The following ESRRG variants were observed in gnomAD, a reference collection of about 807,000 sequenced individuals.
ESRRG encodes the protein estrogen related receptor gamma.
Under a neutral mutation model 44.0 loss-of-function variants are expected in ESRRG, and 13 were observed. That is an observed-to-expected ratio of 0.30 (90% confidence interval 0.19 to 0.47). The LOEUF is 0.47. Ranked by LOEUF, ESRRG falls within the 20% of genes least tolerant of loss-of-function variation. The pLI, the probability that ESRRG is intolerant of heterozygous loss-of-function variation, is 1.00. For missense variants in ESRRG, 395 were observed against 580.6 expected, an observed-to-expected ratio of 0.68 and a Z score of 3.29; for synonymous variants, 215 against 214.6, an observed-to-expected ratio of 1.00 and a Z score of -0.02.
intron 2 of ESRRG, among the ~76,000 whole-genome samples, chr1:216,896,931 T>A (rs540488077): frequency 3.3e-5 from 5 of 152,330 alleles, no homozygotes; most frequent in Middle Eastern, 3.4e-3. Context: ...GCAGTGAACA[T>A]TACACAGGTT....
At chr1:216,583,098 C>T (rs11572745) in intron 3 of ESRRG, among the ~76,000 whole-genome samples, 22,569 of 152,010 alleles carry the variant, frequency 0.15, 2,171 homozygotes, top group Non-Finnish European at 0.21. Context: ...TTTCTATCAA[C>T]TTTCAAGACT....
At chr1:216,904,685 C>T (rs960758458) in intron 2 of ESRRG, among the ~76,000 whole-genome samples, 1 of 152,168 alleles carries the variant, frequency 6.6e-6, no homozygotes, top group South Asian at 2.1e-4. Context: ...TTTCCACCAA[C>T]AACTCCCCGG....
chr1:216,813,547 G>A (rs1263934969), intron 2 of ESRRG, among the ~76,000 whole-genome samples: 2 of 152,136 alleles, frequency 1.3e-5, no homozygotes, highest in African/African-American at 4.8e-5. Flanking sequence ...AGGGTGGCAA[G>A]AACATATATT....
chr1:216,583,406 CA>C (rs1197048130), intron 3 of ESRRG, among the ~76,000 whole-genome samples: 2 of 152,286 alleles, frequency 1.3e-5, no homozygotes, highest in South Asian at 2.1e-4. Context: ...GTATGTATTT[CA>C]AAAACTCACT....
At chr1:216,602,661 A>T (rs1257405754) in intron 3 of ESRRG, among the ~76,000 whole-genome samples, 2 of 152,188 alleles carry the variant, frequency 1.3e-5, no homozygotes, top group Admixed American at 1.3e-4. Flanking sequence ...TTATTCTAAA[A>T]TTTCACAAGA....
At chr1:216,934,702 G>A (rs1447303559) in intron 2 of ESRRG, among the ~76,000 whole-genome samples, 1 of 152,056 alleles carries the variant, frequency 6.6e-6, no homozygotes, top group Non-Finnish European at 1.5e-5. Context: ...TCTCCCACAT[G>A]GTCCCTCCCA....
chr1:216,831,953 C>T (rs1004482643), intron 2 of ESRRG, among the ~76,000 whole-genome samples: 2 of 152,130 alleles, frequency 1.3e-5, no homozygotes, highest in Non-Finnish European at 2.9e-5. Context: ...CTACACTTCT[C>T]CTGGGTAGAT....
In ESRRG at chr1:216,624,511, C is replaced by G. The variant is rs116255902; in HGVS notation, c.589+26462G>C. Among the ~76,000 whole-genome samples the G allele has an allele frequency of 4.0e-3, 603 of 152,270 alleles. 8 individuals carry two copies. The highest frequency in any genetic ancestry group is 0.013 in the African/African-American group (560 of 41,562). ...ATCAAGACATCATTTTTACGCCCTA[C>G]CTGGAACAGATAATATCTTTTGAAA... On this transcript the variant is annotated intron_variant, in intron 3 of 6. Transcript: ENST00000408911.
intron 2 of ESRRG, among the ~76,000 whole-genome samples, chr1:216,801,068 T>A (rs968732359): frequency 6.6e-6 from 1 of 152,158 alleles, no homozygotes; most frequent in African/African-American, 2.4e-5. Flanking sequence ...TGGAGCAAAT[T>A]AACATATCCC....
chr1:216,700,855 T>C (rs534612510), intron 1 of ESRRG, among the ~76,000 whole-genome samples: 1 of 152,026 alleles, frequency 6.6e-6, no homozygotes, highest in Non-Finnish European at 1.5e-5. Context: ...AACCAGTGAG[T>C]GGTTAGGTTT....
At position 216,653,851 on chromosome 1, in the gene ESRRG, C is replaced by T. The variant is rs60427104; in HGVS notation, c.473-2762G>A. ...CATCCAAGCCAGGTGCAGTGGTTCA[C>T]GCCTGTAATTCCAACACTTTGGGAG... On this transcript the variant is annotated intron_variant, in intron 2 of 6. Transcript: ENST00000408911. 8.0e-3 allele frequency among the ~76,000 whole-genome samples: 1,221 copies of T among 152,064 alleles called. 11 individuals are homozygous for T. Among genetic ancestry groups the T allele is most frequent in the African/African-American group, 0.027 (1,130 of 41,500 alleles).
chr1:216,624,999 A>G (rs2062922084), intron 3 of ESRRG, among the ~76,000 whole-genome samples: 1 of 152,038 alleles, frequency 6.6e-6, no homozygotes, highest in South Asian at 2.1e-4. Context: ...CCCCTCATTG[A>G]ACCTTCATTC....
chr1:217,097,291 A>G (rs947803799), intron 1 of ESRRG, among the ~76,000 whole-genome samples: 2 of 151,002 alleles, frequency 1.3e-5, no homozygotes, highest in African/African-American at 2.5e-5. Context: ...TCTAAAAATT[A>G]AAAAAAAGGC....
At chr1:216,801,593 G>A (rs956376836) in intron 2 of ESRRG, among the ~76,000 whole-genome samples, 1 of 152,016 alleles carries the variant, frequency 6.6e-6, no homozygotes, top group African/African-American at 2.4e-5. Context: ...GCACACCTTC[G>A]CCAACATTTC....
intron 3 of ESRRG, among the ~76,000 whole-genome samples, chr1:216,591,715 G>A (rs2150009639): frequency 6.6e-6 from 1 of 152,232 alleles, no homozygotes; most frequent in South Asian, 2.1e-4. Flanking sequence ...GTGTCAATAA[G>A]TCACAAGAAG....
rs577536311 is a variant in ESRRG at position 216,586,342 on chromosome 1, G to A, written c.590-18244C>T. 5.1e-4 allele frequency among the ~76,000 whole-genome samples: 77 copies of A among 152,132 alleles called. 2 individuals carry two copies. The South Asian group carries it at 0.015, about 29-fold the overall frequency. Reference sequence around the variant, plus strand: ...AATAAAGGCTTCTAAAGAAATCATCGTCATAGATGAAAGAAGCACATTTTG... The same window carrying A: ...AATAAAGGCTTCTAAAGAAATCATCATCATAGATGAAAGAAGCACATTTTG... On this transcript the variant is annotated intron_variant, in intron 3 of 6. Coordinates refer to ENST00000408911, the MANE Select transcript of ESRRG (RefSeq NM_001438.4).
At chr1:216,962,311 A>C (rs116781658) in intron 1 of ESRRG, among the ~76,000 whole-genome samples, 20 of 151,906 alleles carry the variant, frequency 1.3e-4, no homozygotes, top group African/African-American at 4.6e-4. Flanking sequence ...TTTCCTCCCA[A>C]CTAGGAATCT....
intron 2 of ESRRG, among the ~76,000 whole-genome samples, chr1:216,902,868 G>T (rs2059247263): frequency 6.6e-6 from 1 of 152,096 alleles, no homozygotes; most frequent in Non-Finnish European, 1.5e-5. Flanking sequence ...CTTTACTGTT[G>T]ACACATTTGG....
chr1:217,080,671 G>GT lies in ESRRG; in HGVS notation c.-106+8835dup, dbSNP rs34598045. On this transcript the variant is annotated intron_variant, in intron 1 of 7. Coordinates refer to the ESRRG transcript ENST00000359162. The stretch of plus-strand genomic sequence containing the variant: ...TTTGTTTGTTTGTTTTGTTTTTTTG[G>GT]TTTTTTTTTTTTTTTTTTTTTTTTG... Among the ~76,000 whole-genome samples, 348 of 65,228 alleles carry GT rather than the reference G, an allele frequency of 5.3e-3. 6 individuals are homozygous for GT. Among genetic ancestry groups the GT allele is most frequent in the African/African-American group, 0.02 (321 of 16,082 alleles). 42.8% of individuals were successfully genotyped at this position (65,228 alleles called of 152,430 possible).
Sources: allele counts gnomAD v4.1 joint callset (sites outside exome capture counted in the v4.1 genomes callset), GRCh38; gene constraint gnomAD v4.1.1; transcripts MANE v1.5; gene names NCBI Gene and HGNC (gene_info 2026-07-23, HGNC 2026-07-21).